The following GPC3 variants were observed in gnomAD, a reference collection of about 807,000 sequenced individuals.
GPC3 encodes the protein glypican 3.
A neutral mutation model predicts 34.4 loss-of-function variants in GPC3; 3 were observed. That is an observed-to-expected ratio of 0.09 (90% CI 0.04 to 0.23). The LOEUF (loss-of-function observed/expected upper bound fraction) is 0.23. GPC3 is among the 10% of genes least tolerant of loss of function. GPC3 has a pLI of 1.00. For missense variants in GPC3, 351 were observed against 445.6 expected, an observed-to-expected ratio of 0.79 and a Z score of 1.91; for synonymous variants, 177 against 174.0, an observed-to-expected ratio of 1.02 and a Z score of -0.13.
intron 6 of GPC3, among the ~76,000 whole-genome samples, chrX:133,644,584 T>C (rs2070521778): frequency 8.9e-6 from 1 of 111,805 alleles, no homozygotes; most frequent in South Asian, 3.7e-4. Context: ...CAGAGAGATA[T>C]AAAAAGGAAA....
Position 133,640,820 on chromosome X carries a change from C to A in GPC3, c.1413+20910G>T, listed in dbSNP as rs769328893. On this transcript the variant is annotated intron_variant, in intron 6 of 7. Transcript: ENST00000370818. ...CTTTCCAAAGAAAATTGCCTCCAGCCAAATTCCTTCTCCCACCCACAGTAA... is the reference window on the plus strand; with the variant it reads ...CTTTCCAAAGAAAATTGCCTCCAGCAAAATTCCTTCTCCCACCCACAGTAA... Among the ~76,000 whole-genome samples, 7 of 111,797 alleles carry A rather than the reference C, an allele frequency of 6.3e-5. 1 individual carries two copies. In the South Asian group the frequency reaches 2.6e-3, roughly 42 times the overall value.
At chrX:133,752,809 A>G (rs2071679402) in intron 3 of GPC3, among the ~76,000 whole-genome samples, 1 of 112,257 alleles carries the variant, frequency 8.9e-6, no homozygotes, top group Non-Finnish European at 1.9e-5. Context: ...GTGAGGTTTA[A>G]TTAGTGAACT....
intron 7 of GPC3, among the ~76,000 whole-genome samples, chrX:133,565,267 C>T (rs2069572977): frequency 9.0e-6 from 1 of 111,428 alleles, no homozygotes; most frequent in Admixed American, 9.6e-5. Context: ...AACAGCTGCT[C>T]TCTCCTGACC....
chrX:133,728,276 G>T (rs2071430179), intron 3 of GPC3, among the ~76,000 whole-genome samples: 1 of 111,577 alleles, frequency 9.0e-6, no homozygotes, highest in South Asian at 3.8e-4. Flanking sequence ...ACACCCTGTA[G>T]CAGGTTTTCC....
intron 2 of GPC3, among the ~76,000 whole-genome samples, chrX:133,945,377 C>T (rs1052116471): frequency 1.9e-5 from 2 of 108,046 alleles, no homozygotes; most frequent in African/African-American, 6.7e-5. Flanking sequence ...GGCAACAGAG[C>T]GAGAATCTGT....
intron 6 of GPC3, among the ~76,000 whole-genome samples, chrX:133,658,111 T>C (rs2070683332): frequency 8.9e-6 from 1 of 112,017 alleles, no homozygotes; most frequent in South Asian, 3.7e-4. Flanking sequence ...ACCAAATCTT[T>C]AGGCCGATTT....
chrX:133,774,423 T>G (rs1257591664), intron 2 of GPC3, among the ~76,000 whole-genome samples: 1 of 111,335 alleles, frequency 9.0e-6, no homozygotes, highest in Non-Finnish European at 1.9e-5. Flanking sequence ...ATATAATTCA[T>G]GAGGTGACAG....
At chrX:133,584,120 G>C (rs963670596) in intron 7 of GPC3, among the ~76,000 whole-genome samples, 2 of 112,330 alleles carry the variant, frequency 1.8e-5, no homozygotes, top group Non-Finnish European at 3.8e-5. Flanking sequence ...AAAAGTTGAG[G>C]ATACTTTGAG....
intron 2 of GPC3, among the ~76,000 whole-genome samples, chrX:133,875,088 A>G (rs1354190366): frequency 8.9e-6 from 1 of 112,025 alleles, no homozygotes; most frequent in African/African-American, 3.2e-5. Context: ...ACATCTAGAA[A>G]TGCACACTAC....
At position 133,883,077 on chromosome X, in the gene GPC3, T is replaced by TTG. The variant is rs755290153; in HGVS notation, c.337+69971_337+69972dup. Among the ~76,000 whole-genome samples the TTG allele has an allele frequency of 3.4e-3, 362 of 107,350 alleles. 1 individual carries two copies. Among genetic ancestry groups the TTG allele is most frequent in the Middle Eastern group, 9.9e-3 (2 of 202 alleles). 93.2% of individuals were successfully genotyped at this position (107,350 alleles called of 115,157 possible). A position where few individuals can be genotyped will look rare whatever the true frequency, so the allele number is the denominator to read the frequency against. On this transcript the variant is annotated intron_variant, in intron 2 of 7. Coordinates refer to ENST00000370818, the MANE Select transcript of GPC3 (RefSeq NM_004484.4). ...CTCCACTCTATATTTAGAAATATATTTGTGTGTGTGTGTGTGTGAATGCTT... is the reference window on the plus strand; with the variant it reads ...CTCCACTCTATATTTAGAAATATATTTGTGTGTGTGTGTGTGTGTGAATGCTT...
At chrX:133,868,593 G>A (rs774699105) in intron 2 of GPC3, among the ~76,000 whole-genome samples, 2 of 111,842 alleles carry the variant, frequency 1.8e-5, no homozygotes, top group East Asian at 5.6e-4. Flanking sequence ...ACAAATACAA[G>A]ATAATACTAA....
intron 2 of GPC3, chrX:133,762,798 G>A: frequency 1.0e-5 from 5 of 481,972 alleles, no homozygotes; most frequent in South Asian, 5.1e-5. Context: ...CTTTCACAAC[G>A]TCCGGAGCCC....
intron 2 of GPC3, among the ~76,000 whole-genome samples, chrX:133,888,633 G>A (rs897762170): frequency 3.6e-5 from 4 of 112,056 alleles, no homozygotes; most frequent in African/African-American, 9.7e-5. Context: ...GTGTGAGATG[G>A]TATCTCATTG....
chrX:133,671,499 A>G, intron 5 of GPC3: 1 of 408,833 alleles, frequency 2.4e-6, no homozygotes, highest in Non-Finnish European at 4.2e-6. Flanking sequence ...TAGCAGTACT[A>G]CTTCAGAGCC....
chrX:133,753,373 C>T (rs2071685826), intron 3 of GPC3, 109 bp downstream of exon 3: 2 of 605,971 alleles, frequency 3.3e-6, no homozygotes, highest in Non-Finnish European at 5.7e-6. Context: ...CATCATCACC[C>T]CTTCCCCACC....
intron 2 of GPC3, among the ~76,000 whole-genome samples, chrX:133,784,368 T>G (rs1242029675): frequency 1.8e-5 from 2 of 111,887 alleles, no homozygotes; most frequent in Non-Finnish European, 3.8e-5. Context: ...CTGAGTATCA[T>G]GCAGAGAGGC....
At chrX:133,656,279 T>A (rs1016872505) in intron 6 of GPC3, among the ~76,000 whole-genome samples, 3 of 112,337 alleles carry the variant, frequency 2.7e-5, no homozygotes, top group Non-Finnish European at 5.6e-5. Flanking sequence ...GACCACAAAT[T>A]AAGGAGTTTT....
In GPC3 at chrX:133,657,450, C is replaced by T. The variant is rs185328784; in HGVS notation, c.1413+4280G>A. Among the ~76,000 whole-genome samples, 50 of 112,143 alleles carry T rather than the reference C, an allele frequency of 4.5e-4. 1 individual carries two copies. Among genetic ancestry groups the T allele is most frequent in the African/African-American group, 1.6e-3 (48 of 30,839 alleles). ...CTTAGTTGTTGTTGTTTTAAAGCAACATGGCCTAGCAAATTCCAGGACTGA... is the reference window on the plus strand; with the variant it reads ...CTTAGTTGTTGTTGTTTTAAAGCAATATGGCCTAGCAAATTCCAGGACTGA... On this transcript the variant is annotated intron_variant, in intron 6 of 7. Transcript: ENST00000370818.
chrX:133,838,852 C>G (rs775991440), intron 2 of GPC3, among the ~76,000 whole-genome samples: 2 of 111,860 alleles, frequency 1.8e-5, no homozygotes, highest in Non-Finnish European at 3.8e-5. Flanking sequence ...CTTTAACACC[C>G]TTAGCGGGAG....
Sources: gnomAD v4.1 joint callset for allele counts (sites outside exome capture counted in the v4.1 genomes callset) on GRCh38, gnomAD v4.1.1 for gene constraint, MANE v1.5 for transcripts, NCBI Gene and HGNC (gene_info 2026-07-23, HGNC 2026-07-21) for gene names.